GALNT14: variants seen among roughly 807,000 people sequenced by gnomAD.
GALNT14 encodes polypeptide N-acetylgalactosaminyltransferase 14, also known as UDP-GalNAc:polypeptide N-acetylgalactosaminyltransferase 14.
Under a neutral mutation model 77.5 loss-of-function variants are expected in GALNT14, and 60 were observed. That is an observed-to-expected ratio of 0.77 (90% CI 0.63 to 0.96). The LOEUF is 0.96. Among genes scored for constraint, GALNT14 ranks in the 40% least tolerant of loss-of-function variants. The probability of loss-of-function intolerance (pLI) is 0.00; values close to 1 mark genes in which losing one functional copy is unlikely to be tolerated. For missense variants in GALNT14, 710 were observed against 731.0 expected (o/e 0.97, Z 0.33); for synonymous variants, 280 against 281.7 (o/e 0.99, Z 0.06).
chr2:30,932,212 C>T lies in GALNT14; in HGVS notation c.932-18G>A. The T allele has an allele frequency of 6.8e-7, 1 of 1,467,310 alleles. No individual in the cohort carries two copies. Among genetic ancestry groups the T allele is most frequent in the Non-Finnish European group, 9.1e-7 (1 of 1,104,252 alleles). 90.9% of individuals were successfully genotyped at this position (1,467,310 alleles called of 1,614,324 possible). A position where few individuals can be genotyped will look rare whatever the true frequency, so the allele number is the denominator to read the frequency against. ...GGAGATTTCTGCAAGACAGTCACGC[C>T]CCTCCTATGACCTCTTATCACTGCT... is the stretch of plus-strand genomic sequence containing the variant. On this transcript the variant is annotated intron_variant, in intron 9 of 14. Transcript: ENST00000349752.
At chr2:31,075,448 G>GAACA (rs1675709911) in intron 1 of GALNT14, among the ~76,000 whole-genome samples, 1 of 152,172 alleles carries the variant, frequency 6.6e-6, no homozygotes, top group South Asian at 2.1e-4. Flanking sequence ...TTTGTTGATT[G>GAACA]ATCTGGAAGC....
chr2:30,929,180 A>G (rs1453375592), intron 11 of GALNT14, among the ~76,000 whole-genome samples: 1 of 152,224 alleles, frequency 6.6e-6, no homozygotes, highest in Non-Finnish European at 1.5e-5. Flanking sequence ...CTGGCAGTCC[A>G]GGTTGCCAGG....
chr2:31,045,235 A>G lies in GALNT14; in HGVS notation c.130-52228T>C, dbSNP rs752142658. 2.0e-5 allele frequency among the ~76,000 whole-genome samples: 3 copies of G among 152,160 alleles called. No individual in the cohort carries two copies. In the South Asian group the frequency reaches 6.2e-4, roughly 32 times the overall value. ...ACTTCAGAGGCCTTGCCATTTCTAC[A>G]TGTCTCAGAATCAAGAGACCAGCTG... On this transcript the variant is annotated intron_variant, in intron 1 of 14. Coordinates refer to ENST00000349752, the MANE Select transcript of GALNT14 (RefSeq NM_024572.4).
chr2:30,914,222 G>A (rs1033305494), intron 13 of GALNT14, among the ~76,000 whole-genome samples: 1 of 152,144 alleles, frequency 6.6e-6, no homozygotes, highest in African/African-American at 2.4e-5. Flanking sequence ...ACCAAGGCTC[G>A]GAGAGGCTAT....
chr2:31,030,538 A>C (rs7582401), intron 1 of GALNT14, among the ~76,000 whole-genome samples: 65,106 of 151,954 alleles, frequency 0.43, 14,074 homozygotes, highest in East Asian at 0.56. Context: ...CAGCTACATA[A>C]AGCAAAAAAG....
rs1295462218 is a variant in GALNT14, at chr2:31,101,462, G to A, written c.129+36496C>T. 2.2e-5 allele frequency among the ~76,000 whole-genome samples: 3 copies of A among 139,180 alleles called. No homozygotes were observed. In the East Asian group the frequency reaches 6.1e-4, roughly 28 times the overall value. 91.3% of individuals were successfully genotyped at this position (139,180 alleles called of 152,430 possible). A position where few individuals can be genotyped will look rare whatever the true frequency, so the allele number is the denominator to read the frequency against. ...GCTCTGGACTAGTGCATTTTTCTTTGAAGAATGTATACCTATTTAAATTTT... is the reference window on the plus strand; with the variant it reads ...GCTCTGGACTAGTGCATTTTTCTTTAAAGAATGTATACCTATTTAAATTTT... On this transcript the variant is annotated intron_variant, in intron 1 of 14. Coordinates refer to ENST00000349752, the MANE Select transcript of GALNT14 (RefSeq NM_024572.4).
At chr2:31,035,599 ATACACACACACACACACC>A (rs776026576) in intron 1 of GALNT14, among the ~76,000 whole-genome samples, 35,520 of 113,658 alleles carry the variant, frequency 0.31, 5,623 homozygotes, top group Admixed American at 0.43. Flanking sequence ...ACATATACAT[ATACACACACACACACACC>A]TACACACACA....
intron 1 of GALNT14, chr2:31,072,958 A>G (rs1007179297): frequency 6.6e-6 from 1 of 152,210 alleles, no homozygotes; most frequent in African/African-American, 2.4e-5. Flanking sequence ...GTCAACAGGC[A>G]AAGAATCAAA....
chr2:31,035,569 ATGTGTGTG>A (rs1168590695), intron 1 of GALNT14, among the ~76,000 whole-genome samples: 1 of 128,162 alleles, frequency 7.8e-6, no homozygotes, highest in African/African-American at 3.3e-5. Context: ...GTGTGTGTGT[ATGTGTGTG>A]TGTGTGTGTA....
In GALNT14 at chr2:31,069,474, T is replaced by A. The variant is rs190600508; in HGVS notation, c.129+68484A>T. On this transcript the variant is annotated intron_variant, in intron 1 of 14. Coordinates refer to ENST00000349752, the MANE Select transcript of GALNT14 (RefSeq NM_024572.4). Reference sequence around the variant, plus strand: ...TAGCCCTAGGAAGGAAACACTGTTATAATCCCCATTTTACAAATGAAGAAA... The same window carrying A: ...TAGCCCTAGGAAGGAAACACTGTTAAAATCCCCATTTTACAAATGAAGAAA... Among the ~76,000 whole-genome samples the A allele has an allele frequency of 1.7e-3, 259 of 152,350 alleles. 4 individuals are homozygous for A. The highest frequency in any genetic ancestry group is 6.1e-3 in the African/African-American group (254 of 41,586).
intron 1 of GALNT14, among the ~76,000 whole-genome samples, chr2:31,043,186 T>C (rs1459623001): frequency 6.6e-6 from 1 of 152,098 alleles, no homozygotes; most frequent in Non-Finnish European, 1.5e-5. Flanking sequence ...CAAGACTAAG[T>C]CCCTCACCTC....
chr2:30,956,537 C>T (rs1227786256), intron 4 of GALNT14, among the ~76,000 whole-genome samples: 5 of 152,168 alleles, frequency 3.3e-5, no homozygotes, highest in African/African-American at 1.2e-4. Flanking sequence ...GAGACGGAAT[C>T]TCGCTGTCGC....
At position 30,958,443 on chromosome 2, in the gene GALNT14, C is replaced by T. The variant is rs755696793; in HGVS notation, c.420G>A (p.Thr140=). 56 of 1,613,814 alleles carry T rather than the reference C, an allele frequency of 3.5e-5. No individual in the cohort carries two copies. Among genetic ancestry groups the T allele is most frequent in the African/African-American group, 6.7e-5 (5 of 74,870 alleles). The change falls in exon 4 of 15, where the codon ACG becomes ACA. Residue 140 remains threonine, a synonymous_variant. Transcript: ENST00000349752. The stretch of plus-strand genomic sequence containing the variant: ...CTAATATGATTTCCCGGATCAGATG[C>T]GTAGGGGTGCGGTTTAATACACTGC... ...TIRSVLNRTP[T]HLIREIILVD...
chr2:30,946,225 C>G (rs1259311321), intron 6 of GALNT14, among the ~76,000 whole-genome samples: 1 of 152,100 alleles, frequency 6.6e-6, no homozygotes, highest in Non-Finnish European at 1.5e-5. Flanking sequence ...GAGTGGGGCT[C>G]TAGGAGGCAG....
chr2:30,904,235 C>G, the GALNT14 span, among the ~76,000 whole-genome samples: 310 of 152,320 alleles, frequency 2.0e-3, no homozygotes, highest in Middle Eastern at 3.4e-3. Context: ...GAACAGCTCC[C>G]GTCTACAGCT....
intron 1 of GALNT14, among the ~76,000 whole-genome samples, chr2:31,076,629 A>ATATATATATATAT (rs1553373502): frequency 2.0e-5 from 2 of 101,916 alleles, no homozygotes; most frequent in Admixed American, 2.0e-4. Context: ...ATATATATAT[A>ATATATATATATAT]TTTTTTTTTT....
At chr2:30,959,140 C>T (rs1370630651) in intron 3 of GALNT14, among the ~76,000 whole-genome samples, 1 of 152,122 alleles carries the variant, frequency 6.6e-6, no homozygotes, top group Non-Finnish European at 1.5e-5. Flanking sequence ...CCCTGTGCTG[C>T]CCACAAGGAC....
chr2:30,920,739 C>T (rs1469478566), intron 13 of GALNT14, among the ~76,000 whole-genome samples: 1 of 152,076 alleles, frequency 6.6e-6, no homozygotes, highest in Non-Finnish European at 1.5e-5. Flanking sequence ...GTGGGTTTAA[C>T]ACCTCCAGAT....
At chr2:31,065,646 C>T (rs747210074) in intron 1 of GALNT14, among the ~76,000 whole-genome samples, 1 of 152,092 alleles carries the variant, frequency 6.6e-6, no homozygotes, top group Non-Finnish European at 1.5e-5. Context: ...GATGATGGTC[C>T]GGCAGGGCCT....
Sources: gnomAD v4.1 joint callset for allele counts (sites outside exome capture counted in the v4.1 genomes callset) on GRCh38, gnomAD v4.1.1 for gene constraint, MANE v1.5 for transcripts, NCBI Gene and HGNC (gene_info 2026-07-23, HGNC 2026-07-21) for gene names.